Variants in KIF26B observed in about 807,000 individuals in gnomAD.
The protein encoded by KIF26B is kinesin-like protein KIF26B.
KIF26B carries 63 observed loss-of-function variants against 151.2 expected under a neutral mutation model. The ratio of observed to expected loss-of-function variants is 0.42; its 90% CI spans 0.34 to 0.51. KIF26B has a LOEUF of 0.51. Ranked by LOEUF, KIF26B falls within the 20% of genes least tolerant of loss-of-function variation. The pLI is 0.07. For missense variants in KIF26B, 2,813 were observed against 2,913.6 expected (o/e 0.97, Z 0.79); for synonymous variants, 1,357 against 1,262.1 (o/e 1.08, Z -1.59).
chr1:245,582,392 T>A (rs1468281369), intron 5 of KIF26B, among the ~76,000 whole-genome samples: 1 of 152,202 alleles, frequency 6.6e-6, no homozygotes, highest in Non-Finnish European at 1.5e-5. Context: ...TTTTGAGTTG[T>A]TTTACAACTT....
intron 10 of KIF26B, among the ~76,000 whole-genome samples, chr1:245,664,511 T>C (rs954024689): frequency 6.6e-6 from 1 of 152,194 alleles, no homozygotes; most frequent in Admixed American, 6.5e-5. Flanking sequence ...TAACTTATTA[T>C]CGAAGCCACT....
chr1:245,688,715 C>T lies in KIF26B; in HGVS notation c.5732C>T (p.Ala1911Val), dbSNP rs1417484057. The T allele has an allele frequency of 6.2e-7, 1 of 1,608,428 alleles. No individual in the cohort carries two copies. Reference sequence around the variant, plus strand: ...CGGGACAGCGAGGCCACCGGCAGCGCGTCCTCGGCGCAGGACTCCACGAGC... The same window carrying T: ...CGGGACAGCGAGGCCACCGGCAGCGTGTCCTCGGCGCAGGACTCCACGAGC... ...VMRDSEATGSASSAQDSTSEN... is the reference protein window; with the variant it reads ...VMRDSEATGSVSSAQDSTSEN... Residue 1911 changes from alanine to valine, a missense_variant, in exon 12 of 15, where the codon GCG becomes GTG. Transcript: ENST00000407071.
chr1:245,333,930 G>A (rs914950248), intron 2 of KIF26B, among the ~76,000 whole-genome samples: 2 of 152,132 alleles, frequency 1.3e-5, no homozygotes. Flanking sequence ...CTTGGGAGGC[G>A]GAGGTTGCAG....
At chr1:245,663,377 G>T (rs530061529) in intron 10 of KIF26B, among the ~76,000 whole-genome samples, 2 of 89,528 alleles carry the variant, frequency 2.2e-5, no homozygotes, top group East Asian at 4.4e-4. Flanking sequence ...CAGAAATTTT[G>T]TCATTTGTGA....
chr1:245,417,472 A>G (rs1219505239), intron 3 of KIF26B, among the ~76,000 whole-genome samples: 1 of 152,200 alleles, frequency 6.6e-6, no homozygotes, highest in Non-Finnish European at 1.5e-5. Context: ...ATGATGTTGG[A>G]AATCCCTTCT....
chr1:245,189,674 C>A (rs1669061901), intron 2 of KIF26B, among the ~76,000 whole-genome samples: 1 of 152,008 alleles, frequency 6.6e-6, no homozygotes, highest in South Asian at 2.1e-4. Flanking sequence ...GAACCTTGCG[C>A]CTTCTCTGTG....
chr1:245,323,628 C>T (rs1291197468), intron 2 of KIF26B, among the ~76,000 whole-genome samples: 2 of 152,154 alleles, frequency 1.3e-5, no homozygotes, highest in African/African-American at 4.8e-5. Context: ...TTCAGTCCAC[C>T]GGAAAGTGCC....
At position 245,564,079 on chromosome 1, in the gene KIF26B, C is replaced by T. The variant is rs765656816; in HGVS notation, c.1350+23129C>T. Among the ~76,000 whole-genome samples the T allele has an allele frequency of 5.9e-5, 9 of 152,150 alleles. No individual in the cohort carries two copies. The highest frequency in any genetic ancestry group is 1.3e-4 in the Non-Finnish European group (9 of 68,034). ...CACGCTGAGCTCGACACAGTCCAAT[C>T]CCAAGTACCAGTCAGGCTCCCACCG... On this transcript the variant is annotated intron_variant, in intron 5 of 14. Transcript: ENST00000407071. This position sits in a 1 kb window ranked among gnomAD's most constrained non-coding sequence, Gnocchi z 4.6.
intron 2 of KIF26B, among the ~76,000 whole-genome samples, chr1:245,243,144 C>T (rs1251840193): frequency 2.6e-5 from 4 of 152,198 alleles, no homozygotes; most frequent in South Asian, 4.1e-4. Flanking sequence ...CAACTTATCA[C>T]CAAATTGCTC....
chr1:245,533,823 C>G (rs1378872194), intron 4 of KIF26B, among the ~76,000 whole-genome samples: 1 of 152,012 alleles, frequency 6.6e-6, no homozygotes, highest in African/African-American at 2.4e-5. Context: ...CAAGTTCCCC[C>G]TCTAATCTAC....
intron 2 of KIF26B, among the ~76,000 whole-genome samples, chr1:245,180,975 C>T (rs896504852): frequency 3.3e-5 from 5 of 152,212 alleles, no homozygotes; most frequent in Non-Finnish European, 4.4e-5. Context: ...GGGTGGGGGA[C>T]ATTGTGCACC....
At chr1:245,401,333 A>G (rs1245979068) in intron 3 of KIF26B, among the ~76,000 whole-genome samples, 1 of 152,216 alleles carries the variant, frequency 6.6e-6, no homozygotes, top group Non-Finnish European at 1.5e-5. Context: ...CTGTGTTCAC[A>G]GTTTCCTTCC....
intron 10 of KIF26B, among the ~76,000 whole-genome samples, chr1:245,681,300 C>A (rs1029381672): frequency 1.3e-5 from 2 of 152,052 alleles, no homozygotes; most frequent in African/African-American, 4.8e-5. Context: ...AGCTCCACCC[C>A]CCGGGTTCAC....
At chr1:245,682,905 GCTCCTC>G (rs35122706) in intron 10 of KIF26B, among the ~76,000 whole-genome samples, 18 of 151,522 alleles carry the variant, frequency 1.2e-4, no homozygotes, top group Middle Eastern at 6.8e-3. Flanking sequence ...AACTTTCACA[GCTCCTC>G]CTCCTCCTCC....
chr1:245,478,485 T>G (rs1322214670), intron 4 of KIF26B, among the ~76,000 whole-genome samples: 2 of 144,510 alleles, frequency 1.4e-5, no homozygotes, highest in East Asian at 2.0e-4. Context: ...TGGAGTGCGG[T>G]GGCGCGATCT....
chr1:245,548,487 C>T (rs978798745), intron 5 of KIF26B, among the ~76,000 whole-genome samples: 6 of 152,114 alleles, frequency 3.9e-5, no homozygotes, highest in African/African-American at 1.2e-4. Flanking sequence ...AAGAAGGTGA[C>T]GCTTCATGCC....
At chr1:245,654,393 T>C (rs973340907) in intron 10 of KIF26B, among the ~76,000 whole-genome samples, 1 of 152,134 alleles carries the variant, frequency 6.6e-6, no homozygotes, top group African/African-American at 2.4e-5. Context: ...TGTGCAGGGC[T>C]CCGGGTAGAT....
In KIF26B at chr1:245,685,501, G is replaced by T. The variant is rs2147953628; in HGVS notation, c.2518G>T (p.Asp840Tyr). Residue 840 changes from aspartate (D) to tyrosine (Y), a missense_variant, in exon 12 of 15, where the codon GAC (aspartate) becomes TAC (tyrosine). Asp to Tyr is a radical substitution (Grantham distance 160). Around this residue, in one of 3 missense-constraint regions of KIF26B, gnomAD observed 2,060 missense variants for 2,088.6 expected, o/e 0.99. Transcript: ENST00000407071. The part of the protein sequence containing the change: ...LRPFHTRATV[D>Y]PDFPIAHLSS... Reference sequence around the variant, plus strand: ...ACCCTTCCACACCAGGGCCACGGTGGACCCTGACTTCCCCATCGCTCACCT... The same window carrying T: ...ACCCTTCCACACCAGGGCCACGGTGTACCCTGACTTCCCCATCGCTCACCT... 1 of 1,613,710 alleles carries T rather than the reference G, an allele frequency of 6.2e-7. No homozygotes were observed. Among genetic ancestry groups the T allele is most frequent in the East Asian group, 2.2e-5 (1 of 44,874 alleles).
At chr1:245,164,799 A>G (rs1343490650) in intron 2 of KIF26B, among the ~76,000 whole-genome samples, 1 of 152,184 alleles carries the variant, frequency 6.6e-6, no homozygotes, top group African/African-American at 2.4e-5. Context: ...CTGGCCAGGC[A>G]CGGTGGCTCA....
Sources: allele counts gnomAD v4.1 joint callset (sites outside exome capture counted in the v4.1 genomes callset), GRCh38; gene constraint gnomAD v4.1.1; regional missense constraint gnomAD v4.1.1; non-coding constraint Gnocchi (gnomAD v3.1); transcripts MANE v1.5; gene names NCBI Gene and HGNC (gene_info 2026-07-23, HGNC 2026-07-21).